RALGPS1: variants seen among roughly 807,000 people sequenced by gnomAD.
The protein encoded by RALGPS1 is Ral GEF with PH domain and SH3 binding motif 1.
Under a neutral mutation model 78.8 loss-of-function variants are expected in RALGPS1, and 19 were observed. That is an observed-to-expected ratio of 0.24 (90% confidence interval 0.17 to 0.35). The LOEUF is 0.35. RALGPS1 is among the 10% of genes least tolerant of loss of function. RALGPS1 has a pLI of 1.00. For missense variants in RALGPS1, 454 were observed against 688.3 expected, an observed-to-expected ratio of 0.66 and a Z score of 3.81; for synonymous variants, 228 against 256.3, an observed-to-expected ratio of 0.89 and a Z score of 1.06.
At chr9:126,982,857 C>G (rs2041398401) in intron 4 of RALGPS1, among the ~76,000 whole-genome samples, 2 of 147,124 alleles carry the variant, frequency 1.4e-5, no homozygotes, top group African/African-American at 2.5e-5. Context: ...TCTTCCTCCT[C>G]CTTCTTCTTC....
intron 5 of RALGPS1, among the ~76,000 whole-genome samples, chr9:127,036,874 T>A (rs2046905830): frequency 6.6e-6 from 1 of 152,184 alleles, no homozygotes; most frequent in Admixed American, 6.5e-5. Context: ...ATATACAAAT[T>A]TGCATTTAAT....
chr9:127,125,584 A>G (rs1443752000), intron 8 of RALGPS1, among the ~76,000 whole-genome samples: 3 of 152,120 alleles, frequency 2.0e-5, no homozygotes, highest in Non-Finnish European at 2.9e-5. Context: ...TGCTCAGGAA[A>G]TTGCTGCTGT....
intron 4 of RALGPS1, among the ~76,000 whole-genome samples, chr9:126,979,241 ATGTGTGTGTGTGTGTGTG>A (rs57264470): frequency 2.0e-5 from 3 of 146,676 alleles, no homozygotes; most frequent in African/African-American, 5.2e-5. Context: ...TTGTATTATT[ATGTGTGTGTGTGTGTGTG>A]TGTGTGTGTG....
intron 11 of RALGPS1, among the ~76,000 whole-genome samples, chr9:127,188,848 A>AAAAAAAAAAAAAAAAAAAAAAAAAAG: frequency 6.7e-6 from 1 of 149,484 alleles, no homozygotes; most frequent in Non-Finnish European, 1.5e-5. Context: ...AAAAAAAAAA[A>AAAAAAAAAAAAAAAAAAAAAAAAAAG]ATGTAGCCAG....
At chr9:127,095,520 G>T (rs2053026690) in intron 8 of RALGPS1, among the ~76,000 whole-genome samples, 1 of 152,240 alleles carries the variant, frequency 6.6e-6, no homozygotes. Flanking sequence ...TGTGTATTGA[G>T]TCCCAGCCTC....
chr9:127,197,128 A>G (rs754589502), intron 13 of RALGPS1, among the ~76,000 whole-genome samples: 2 of 152,176 alleles, frequency 1.3e-5, no homozygotes, highest in African/African-American at 4.8e-5. Context: ...TCAGGGATGA[A>G]ATTGCATCAC....
chr9:127,111,191 G>A (rs1030971695), intron 8 of RALGPS1, among the ~76,000 whole-genome samples: 3 of 151,976 alleles, frequency 2.0e-5, no homozygotes, highest in African/African-American at 7.3e-5. Context: ...TATACTTGCT[G>A]GTCCCTGCCC....
chr9:127,072,537 T>C (rs1266493654), intron 8 of RALGPS1, among the ~76,000 whole-genome samples: 1 of 152,208 alleles, frequency 6.6e-6, no homozygotes, highest in Non-Finnish European at 1.5e-5. Flanking sequence ...TGAGTAATGC[T>C]TCTATGAATG....
chr9:127,019,794 C>T (rs2134131545), intron 4 of RALGPS1, among the ~76,000 whole-genome samples: 1 of 152,208 alleles, frequency 6.6e-6, no homozygotes, highest in South Asian at 2.1e-4. Flanking sequence ...GTTTGTTATA[C>T]AGGTAAACAT....
chr9:127,026,398 C>T (rs974912372), intron 4 of RALGPS1, among the ~76,000 whole-genome samples: 3 of 152,150 alleles, frequency 2.0e-5, no homozygotes, highest in Non-Finnish European at 2.9e-5. Context: ...CACAGACACA[C>T]GCAGGATCAA....
intron 13 of RALGPS1, among the ~76,000 whole-genome samples, chr9:127,197,534 G>T (rs957984332): frequency 1.3e-5 from 2 of 151,962 alleles, no homozygotes; most frequent in African/African-American, 4.8e-5. Context: ...GGAGAAACAG[G>T]CAGGAATCAC....
At chr9:126,973,643 A>G (rs961909347) in intron 3 of RALGPS1, among the ~76,000 whole-genome samples, 2 of 152,152 alleles carry the variant, frequency 1.3e-5, no homozygotes, top group Non-Finnish European at 2.9e-5. Flanking sequence ...AACATTTTTC[A>G]GTGTACAATT....
At chr9:126,937,756 A>G (rs1465817257) in intron 1 of RALGPS1, among the ~76,000 whole-genome samples, 2 of 152,168 alleles carry the variant, frequency 1.3e-5, no homozygotes, top group Non-Finnish European at 2.9e-5. Flanking sequence ...TAGCTTTAAC[A>G]TGTGCATCTC....
intron 8 of RALGPS1, among the ~76,000 whole-genome samples, chr9:127,157,107 C>T (rs1250281540): frequency 3.3e-5 from 5 of 152,052 alleles, no homozygotes; most frequent in Non-Finnish European, 7.4e-5. Context: ...AATGACTGGG[C>T]ATCACAGCAC....
At chr9:126,975,986 A>G (rs948698495) in intron 3 of RALGPS1, among the ~76,000 whole-genome samples, 3 of 152,228 alleles carry the variant, frequency 2.0e-5, no homozygotes, top group South Asian at 2.1e-4. Context: ...AGCCAGCTGC[A>G]TGTTTTCCTC....
intron 4 of RALGPS1, among the ~76,000 whole-genome samples, chr9:126,985,091 GC>G (rs2041673123): frequency 6.6e-6 from 1 of 152,172 alleles, no homozygotes; most frequent in African/African-American, 2.4e-5. Flanking sequence ...TTTGGGCTTG[GC>G]CCTGTGACTT....
At chr9:127,158,467 A>G (rs1169437836) in intron 8 of RALGPS1, among the ~76,000 whole-genome samples, 1 of 152,142 alleles carries the variant, frequency 6.6e-6, no homozygotes, top group Non-Finnish European at 1.5e-5. Context: ...CTATTTTAAC[A>G]TCTCTTCCAT....
chr9:126,996,209 C>CA (rs1263989173), intron 4 of RALGPS1, among the ~76,000 whole-genome samples: 1 of 151,934 alleles, frequency 6.6e-6, no homozygotes, highest in Non-Finnish European at 1.5e-5. Flanking sequence ...AATAGAGACA[C>CA]AAAAAACCCT....
chr9:127,041,031 T>TTGTGTGTGTGTGTGTGTGTG (rs58541875), intron 5 of RALGPS1, among the ~76,000 whole-genome samples: 1,895 of 135,756 alleles, frequency 0.014, 33 homozygotes, highest in East Asian at 0.039. Flanking sequence ...CTACAAACAT[T>TTGTGTGTGTGTGTGTGTGTG]TGTGTGTGTG....
Sources: gnomAD v4.1 joint callset for allele counts (sites outside exome capture counted in the v4.1 genomes callset) on GRCh38, gnomAD v4.1.1 for gene constraint, MANE v1.5 for transcripts, NCBI Gene and HGNC (gene_info 2026-07-23, HGNC 2026-07-21) for gene names.